The following FEM1C variants were observed in gnomAD, a reference collection of about 807,000 sequenced individuals.
FEM1C encodes protein fem-1 homolog C.
In FEM1C, 15 loss-of-function variants were observed where a neutral mutation model predicts 37.6. That is an observed-to-expected ratio of 0.40 (90% CI 0.27 to 0.61). The LOEUF (loss-of-function observed/expected upper bound fraction) is 0.61. FEM1C is among the 20% of genes least tolerant of loss of function. The pLI, the probability that FEM1C is intolerant of heterozygous loss-of-function variation, is 0.42. For missense variants in FEM1C, 532 were observed against 749.7 expected, an observed-to-expected ratio of 0.71 and a Z score of 3.39; for synonymous variants, 287 against 272.8, an observed-to-expected ratio of 1.05 and a Z score of -0.51.
chr5:115,524,090 C>T lies in FEM1C; in HGVS notation c.*218G>A. Reference sequence around the variant, plus strand: ...GACAATTTTAGAAATTTGAATGTTACATTTCTCAATAATTCACAAACAATA... The same window carrying T: ...GACAATTTTAGAAATTTGAATGTTATATTTCTCAATAATTCACAAACAATA... On this transcript the variant is annotated 3_prime_UTR_variant, in exon 3 of 3. Coordinates refer to ENST00000274457, the MANE Select transcript of FEM1C (RefSeq NM_020177.3). The T allele has an allele frequency of 2.2e-6, 1 of 464,104 alleles. No individual in the cohort carries two copies. The highest frequency in any genetic ancestry group is 3.7e-5 in the East Asian group (1 of 26,740). 28.7% of individuals were successfully genotyped at this position (464,104 alleles called of 1,614,324 possible). A position where few individuals can be genotyped will look rare whatever the true frequency, so the allele number is the denominator to read the frequency against.
intron 2 of FEM1C, among the ~76,000 whole-genome samples, chr5:115,530,502 G>A (rs1481434487): frequency 3.9e-5 from 6 of 152,010 alleles, no homozygotes; most frequent in African/African-American, 1.2e-4. Flanking sequence ...ATGAAGATTT[G>A]AACATTACAA....
In FEM1C at chr5:115,534,911, C is replaced by T. The variant is rs543301953; in HGVS notation, c.544+8039G>A. On this transcript the variant is annotated intron_variant, in intron 2 of 2. Coordinates refer to ENST00000274457, the MANE Select transcript of FEM1C (RefSeq NM_020177.3). The stretch of plus-strand genomic sequence containing the variant: ...AGAAGGATTCTTATTTTCTTGTTTG[C>T]TATATAGATACTTGCCACATAGCTA... Among the ~76,000 whole-genome samples, 4 of 151,912 alleles carry T rather than the reference C, an allele frequency of 2.6e-5. No homozygotes were observed. The South Asian group carries it at 8.3e-4, about 31-fold the overall frequency.
rs1485320813 is a variant in FEM1C at position 115,543,011 on chromosome 5, A to G, written c.483T>C (p.His161=). ...CAAGTAAATACTGAGCAATCTCTTT[A>G]TGTCCTTTGTAACATGAAATCATCA... ...TCLMISCYKG[H]KEIAQYLLEK... is the part of the protein sequence containing the mutation. Residue 161 remains histidine, a synonymous_variant, in exon 2 of 3, where the codon CAT becomes CAC. Transcript: ENST00000274457. 4 of 1,614,230 alleles carry G rather than the reference A, an allele frequency of 2.5e-6. No individual in the cohort carries two copies. The highest frequency in any genetic ancestry group is 3.4e-6 in the Non-Finnish European group (4 of 1,180,038).
At chr5:115,531,830 G>A (rs1385976888) in intron 2 of FEM1C, among the ~76,000 whole-genome samples, 2 of 152,038 alleles carry the variant, frequency 1.3e-5, no homozygotes, top group Non-Finnish European at 2.9e-5. Flanking sequence ...GGGTGGGCTG[G>A]ATTTGAACCC....
chr5:115,543,629 CGAA>C lies in FEM1C; in HGVS notation c.-139_-137del. ...GCACCCCAGAACGGATACACAACCA[CGAA>C]GAGTATGTTCCGTCCTACTGCTTTC... On this transcript the variant is annotated 5_prime_UTR_variant, in exon 2 of 3. Transcript: ENST00000274457. 6.9e-7 allele frequency: 1 copy of C among 1,443,120 alleles called. No homozygotes were observed. Among genetic ancestry groups the C allele is most frequent in the South Asian group, 1.5e-5 (1 of 67,338 alleles). 89.4% of individuals were successfully genotyped at this position (1,443,120 alleles called of 1,614,324 possible). A position where few individuals can be genotyped will look rare whatever the true frequency, so the allele number is the denominator to read the frequency against.
intron 2 of FEM1C, among the ~76,000 whole-genome samples, chr5:115,533,690 A>G (rs1444523472): frequency 1.3e-5 from 2 of 151,960 alleles, no homozygotes; most frequent in African/African-American, 2.4e-5. Flanking sequence ...CCATCTCCAC[A>G]TCATGTCTTC....
rs1256743706 is a variant in FEM1C, at chr5:115,544,582, C to T, written c.-250G>A. 1 of 154,294 alleles carries T rather than the reference C, an allele frequency of 6.5e-6. No homozygotes were observed. The highest frequency in any genetic ancestry group is 1.9e-4 in the East Asian group (1 of 5,254). 9.6% of individuals were successfully genotyped at this position (154,294 alleles called of 1,614,324 possible). Reference sequence around the variant, plus strand: ...TCACTCGGGCTTTGTCCGTCCCCTTCAAAGGGAAACCGTTGTCCCCACCGC... The same window carrying T: ...TCACTCGGGCTTTGTCCGTCCCCTTTAAAGGGAAACCGTTGTCCCCACCGC... On this transcript the variant is annotated 5_prime_UTR_variant, in exon 1 of 3. An upstream open reading frame in the 5' UTR loses its in-frame stop. Transcript: ENST00000274457.
At position 115,525,383 on chromosome 5, in the gene FEM1C, CTTTT is replaced by C; in HGVS notation, c.775_778del (p.Lys259GlufsTer7). ...GTATTTCAAAGCCCCAAGCAGATCT[CTTTT>C]TTTGTCTACAAATGTAGCTCCCAGA... On this transcript the variant is annotated frameshift_variant, in exon 3 of 3. Coordinates refer to ENST00000274457, the MANE Select transcript of FEM1C (RefSeq NM_020177.3). LOFTEE classifies it high-confidence loss of function. 6.2e-7 allele frequency: 1 copy of C among 1,613,576 alleles called. No homozygotes were observed. The highest frequency in any genetic ancestry group is 8.5e-7 in the Non-Finnish European group (1 of 1,179,754).
chr5:115,538,866 T>C (rs1014881713), intron 2 of FEM1C, among the ~76,000 whole-genome samples: 1 of 151,940 alleles, frequency 6.6e-6, no homozygotes, highest in Non-Finnish European at 1.5e-5. Context: ...CACATCCCAA[T>C]AAACTTTCTG....
rs1209618374 is a variant in FEM1C at position 115,544,736 on chromosome 5, G to C, written c.-404C>G. 1 of 152,830 alleles carries C rather than the reference G, an allele frequency of 6.5e-6. No homozygotes were observed. The highest frequency in any genetic ancestry group is 1.5e-5 in the Non-Finnish European group (1 of 68,518). The allele number at this position is 152,830 out of a possible 1,614,324, so 9.5% of individuals were successfully genotyped here. A position where few individuals can be genotyped will look rare whatever the true frequency, so the allele number is the denominator to read the frequency against. On this transcript the variant is annotated 5_prime_UTR_variant, in exon 1 of 3. Transcript: ENST00000274457. ...GCTGCCTCCCGCCCTTAGTCGGCTC[G>C]GACTGCAGCGGCTGCAGCGACTGCT...
chr5:115,541,261 T>C (rs918758194), intron 2 of FEM1C, among the ~76,000 whole-genome samples: 20 of 152,200 alleles, frequency 1.3e-4, no homozygotes, highest in African/African-American at 4.8e-4. Context: ...TATATCAGTA[T>C]GCAAAATTCA....
intron 2 of FEM1C, among the ~76,000 whole-genome samples, chr5:115,532,215 A>C (rs1754030829): frequency 6.6e-6 from 1 of 152,128 alleles, no homozygotes; most frequent in Non-Finnish European, 1.5e-5. Flanking sequence ...GTATAATGCT[A>C]CTGCTTCACA....
intron 2 of FEM1C, among the ~76,000 whole-genome samples, chr5:115,531,536 A>G (rs551737315): frequency 1.2e-4 from 18 of 152,196 alleles, no homozygotes; most frequent in Middle Eastern, 3.4e-3. Context: ...TTCACTGTGC[A>G]TCTAACTCAG....
rs576097742 is a variant in FEM1C at position 115,521,478 on chromosome 5, T to A, written c.*2830A>T. The A allele has an allele frequency of 1.3e-5, 2 of 151,822 alleles. No individual in the cohort carries two copies. The highest frequency in any genetic ancestry group is 4.8e-5 in the African/African-American group (2 of 41,416). 9.4% of individuals were successfully genotyped at this position (151,822 alleles called of 1,614,324 possible). A position where few individuals can be genotyped will look rare whatever the true frequency, so the allele number is the denominator to read the frequency against. On this transcript the variant is annotated 3_prime_UTR_variant, in exon 3 of 3. Transcript: ENST00000274457. ...GGTTTATGCCTGTCAGATTTATGAA[T>A]AAGAAAAATGACTATTTTTAAGTCT...
intron 2 of FEM1C, among the ~76,000 whole-genome samples, chr5:115,533,404 T>A (rs1037998405): frequency 1.3e-5 from 2 of 152,046 alleles, no homozygotes; most frequent in African/African-American, 2.4e-5. Flanking sequence ...GTGCTAGATA[T>A]GCTATAAGTA....
rs1159081315 is a variant in FEM1C, at chr5:115,524,549, T to C, written c.1613A>G (p.Asn538Ser). The change falls in exon 3 of 3, where the codon AAC becomes AGC. Residue 538 changes from asparagine to serine, a missense_variant. Transcript: ENST00000274457. ...DNSPLHIAAL[N>S]NHPDIMNLLI... ...GAGATTCATGATGTCTGGATGGTTG[T>C]TAAGAGCAGCGATATGCAGGGGACT... 1 of 1,613,480 alleles carries C rather than the reference T, an allele frequency of 6.2e-7. No individual in the cohort carries two copies.
Position 115,520,967 on chromosome 5 carries a change from A to C in FEM1C, c.*3341T>G, listed in dbSNP as rs1036264384. ...TGAATGTTGTGGCATATGATTTTCC[A>C]TTGTGTGACAATTTATTAGCTGGCA... On this transcript the variant is annotated 3_prime_UTR_variant, in exon 3 of 3. Transcript: ENST00000274457. The C allele has an allele frequency of 6.6e-6, 1 of 151,910 alleles. No individual in the cohort carries two copies. The highest frequency in any genetic ancestry group is 1.9e-4 in the East Asian group (1 of 5,148). 9.4% of individuals were successfully genotyped at this position (151,910 alleles called of 1,614,324 possible). A position where few individuals can be genotyped will look rare whatever the true frequency, so the allele number is the denominator to read the frequency against.
chr5:115,537,090 A>G (rs190962614), intron 2 of FEM1C, among the ~76,000 whole-genome samples: 136 of 152,056 alleles, frequency 8.9e-4, no homozygotes, highest in Middle Eastern at 3.4e-3. Flanking sequence ...CAAAGGGAGG[A>G]AAAAAAGAAG....
chr5:115,526,170 T>C (rs1168013885), intron 2 of FEM1C, among the ~76,000 whole-genome samples: 2 of 152,106 alleles, frequency 1.3e-5, no homozygotes, highest in Non-Finnish European at 2.9e-5. Context: ...CAGACTGCTC[T>C]TTAATATATC....
Sources: allele counts gnomAD v4.1 joint callset (sites outside exome capture counted in the v4.1 genomes callset), GRCh38; gene constraint gnomAD v4.1.1; transcripts MANE v1.5; gene names NCBI Gene and HGNC (gene_info 2026-07-23, HGNC 2026-07-21).